The following SACM1L variants were observed in gnomAD, a reference collection of about 807,000 sequenced individuals.
SACM1L encodes SAC1 like phosphatidylinositide phosphatase, also known as phosphatidylinositol-3-phosphatase SAC1.
In SACM1L, 32 loss-of-function variants were observed where a neutral mutation model predicts 89.5. The ratio of observed to expected loss-of-function variants is 0.36; its 90% CI spans 0.27 to 0.48. The LOEUF (loss-of-function observed/expected upper bound fraction) is 0.48, where lower values mean the gene tolerates loss of function less well. SACM1L is among the 20% of genes least tolerant of loss of function. The probability of loss-of-function intolerance (pLI) is 0.99; values close to 1 mark genes in which losing one functional copy is unlikely to be tolerated. For synonymous variants in SACM1L, 213 were observed against 232.8 expected, an observed-to-expected ratio of 0.92 and a Z score of 0.77; for missense variants, 543 against 708.5, an observed-to-expected ratio of 0.77 and a Z score of 2.65.
At position 45,722,076 on chromosome 3, in the gene SACM1L, G is replaced by T; in HGVS notation, c.756G>T (p.Ser252=). Residue 252 remains serine, a synonymous_variant, in exon 9 of 20, where the codon TCG becomes TCT. Transcript: ENST00000389061. ...QIVHYNGSKA[S]FVQTRGSIPV... is the part of the protein sequence containing the mutation. ...TGCACTACAATGGGAGCAAAGCTTC[G>T]TTTGTACAGGCAAGTTGTTATGTCT... 1 of 1,607,784 alleles carries T rather than the reference G, an allele frequency of 6.2e-7. No individual in the cohort carries two copies. The highest frequency in any genetic ancestry group is 8.5e-7 in the Non-Finnish European group (1 of 1,175,596).
chr3:45,700,960 C>G (rs898473971), intron 1 of SACM1L, among the ~76,000 whole-genome samples: 2 of 152,236 alleles, frequency 1.3e-5, no homozygotes, highest in Non-Finnish European at 2.9e-5. Flanking sequence ...GCGTGAGCCA[C>G]CGCGCCCAGC....
In SACM1L at chr3:45,723,460, CTT is replaced by C; in HGVS notation, c.853-11_853-10del. On this transcript the variant is annotated splice_polypyrimidine_tract_variant and intron_variant, in intron 10 of 19. Transcript: ENST00000389061. ...TAATGTACTCCAGTAAAATATGTAA[CTT>C]TTTCCTCTCTAGATGGACGGTTTCC... 7.5e-7 allele frequency: 1 copy of C among 1,333,338 alleles called. No individual in the cohort carries two copies. 82.6% of individuals were successfully genotyped at this position (1,333,338 alleles called of 1,614,324 possible).
Position 45,722,097 on chromosome 3 carries a change from T to G in SACM1L, c.765+12T>G. On this transcript the variant is annotated intron_variant, in intron 9 of 19. Transcript: ENST00000389061. The stretch of plus-strand genomic sequence containing the variant: ...CTTCGTTTGTACAGGCAAGTTGTTA[T>G]GTCTGTTAGGCAGTCAGCGAGTTGG... The G allele has an allele frequency of 6.4e-7, 1 of 1,565,262 alleles. No individual in the cohort carries two copies. Among genetic ancestry groups the G allele is most frequent in the Non-Finnish European group, 8.8e-7 (1 of 1,139,660 alleles).
chr3:45,733,010 G>T (rs1699111540), intron 13 of SACM1L, among the ~76,000 whole-genome samples: 1 of 152,130 alleles, frequency 6.6e-6, no homozygotes, highest in South Asian at 2.1e-4. Flanking sequence ...TTTCTGTGAC[G>T]TTTTGCCATG....
intron 5 of SACM1L, among the ~76,000 whole-genome samples, chr3:45,710,390 G>A (rs920908268): frequency 4.0e-5 from 6 of 151,108 alleles, no homozygotes; most frequent in South Asian, 2.1e-4. Flanking sequence ...ATGGGGTTTC[G>A]CCATGTTGCC....
At chr3:45,697,294 T>TA (rs1698155917) in intron 1 of SACM1L, among the ~76,000 whole-genome samples, 2 of 144,816 alleles carry the variant, frequency 1.4e-5, no homozygotes, top group Non-Finnish European at 3.0e-5. Flanking sequence ...TTTTTTTTTT[T>TA]AAGACAGGCT....
In SACM1L at chr3:45,737,638, A is replaced by C. The variant is rs995601193; in HGVS notation, c.1295A>C (p.Lys432Thr). 5.7e-6 allele frequency: 9 copies of C among 1,592,288 alleles called. No homozygotes were observed. The highest frequency in any genetic ancestry group is 1.7e-4 in the Middle Eastern group (1 of 6,004). The change falls in exon 15 of 20, where the codon AAG becomes ACG. Residue 432 changes from lysine to threonine, a missense_variant. By Grantham distance (78) the Lys-to-Thr change is moderately conservative. Around this residue, in one of 2 missense-constraint regions of SACM1L, gnomAD observed 370 missense variants for 527.6 expected, o/e 0.70. Coordinates refer to ENST00000389061, the MANE Select transcript of SACM1L (RefSeq NM_014016.5). Reference protein sequence around the residue: ...QKLEEQDEFEKIYKNAWADNA... With the variant: ...QKLEEQDEFETIYKNAWADNA... ...CTTGAAGAACAAGATGAATTTGAGAAGATTTACAAAAATGGTAGGTCATTT... is the reference window on the plus strand; with the variant it reads ...CTTGAAGAACAAGATGAATTTGAGACGATTTACAAAAATGGTAGGTCATTT...
At chr3:45,695,752 C>T (rs768221343) in intron 1 of SACM1L, among the ~76,000 whole-genome samples, 8 of 152,218 alleles carry the variant, frequency 5.3e-5, no homozygotes, top group Admixed American at 6.5e-5. Context: ...GTTGTACAAC[C>T]GTTATCACCA....
Position 45,723,561 on chromosome 3 carries a change from C to T in SACM1L, c.921+18C>T. ...TCAATCTGGTATGTTTCTTATGTTT[C>T]TTGGGGGGAAAAAAAAGCCTTAACT... is the stretch of plus-strand genomic sequence containing the variant. On this transcript the variant is annotated intron_variant, in intron 11 of 19. Transcript: ENST00000389061. 1 of 1,312,374 alleles carries T rather than the reference C, an allele frequency of 7.6e-7. No homozygotes were observed. The highest frequency in any genetic ancestry group is 1.6e-5 in the South Asian group (1 of 62,332). 81.3% of individuals were successfully genotyped at this position (1,312,374 alleles called of 1,614,324 possible).
chr3:45,743,600 T>C lies in SACM1L; in HGVS notation c.1695T>C (p.Phe565=). ...GAGTTGCAAGCATTGGAACATTTTT[T>C]ATCATTCTTTACAATGGCAAAGATT... is the stretch of plus-strand genomic sequence containing the variant. ...FWGVASIGTF[F]IILYNGKDFV... is the part of the protein sequence containing the mutation. The change falls in exon 20 of 20, where the codon TTT becomes TTC. Residue 565 remains phenylalanine, a synonymous_variant. Coordinates refer to ENST00000389061, the MANE Select transcript of SACM1L (RefSeq NM_014016.5). 1 of 1,614,194 alleles carries C rather than the reference T, an allele frequency of 6.2e-7. No homozygotes were observed.
rs549889917 is a variant in SACM1L, at chr3:45,708,030, G to A, written c.333+1123G>A. Among the ~76,000 whole-genome samples the A allele has an allele frequency of 4.6e-5, 7 of 151,380 alleles. No individual in the cohort carries two copies. The South Asian group carries it at 1.0e-3, about 22-fold the overall frequency. On this transcript the variant is annotated intron_variant, in intron 4 of 19. Coordinates refer to ENST00000389061, the MANE Select transcript of SACM1L (RefSeq NM_014016.5). ...ATAACTTACAAGTTACATCTACAAC[G>A]TAACTATATAAGTTAATATCTATAA...
chr3:45,729,094 A>T (rs1305750323), intron 11 of SACM1L, among the ~76,000 whole-genome samples: 1 of 151,464 alleles, frequency 6.6e-6, no homozygotes, highest in Non-Finnish European at 1.5e-5. Context: ...TTATTTATTT[A>T]TTTATTTTTT....
intron 11 of SACM1L, among the ~76,000 whole-genome samples, chr3:45,728,743 G>C (rs917390222): frequency 1.3e-5 from 2 of 152,186 alleles, no homozygotes; most frequent in African/African-American, 4.8e-5. Context: ...CATGATCATA[G>C]CTCTGTGTAA....
chr3:45,712,400 C>T (rs1423503865), intron 5 of SACM1L, among the ~76,000 whole-genome samples: 1 of 152,142 alleles, frequency 6.6e-6, no homozygotes, highest in Non-Finnish European at 1.5e-5. Context: ...CACGTGCTAC[C>T]ACGTCTGACT....
chr3:45,709,003 C>G (rs1326973496), intron 4 of SACM1L, among the ~76,000 whole-genome samples: 1 of 152,152 alleles, frequency 6.6e-6, no homozygotes, highest in African/African-American at 2.4e-5. Context: ...TCTCGTCCAT[C>G]CCAAACCAGG....
At chr3:45,739,177 G>A (rs535786159) in intron 18 of SACM1L, among the ~76,000 whole-genome samples, 24 of 152,082 alleles carry the variant, frequency 1.6e-4, no homozygotes, top group Non-Finnish European at 2.9e-4. Context: ...AGAGACAAAC[G>A]TGTTACATGG....
rs1244061997 is a variant in SACM1L at position 45,713,122 on chromosome 3, T to G, written c.484-15T>G. On this transcript the variant is annotated splice_polypyrimidine_tract_variant and intron_variant, in intron 5 of 19. Coordinates refer to ENST00000389061, the MANE Select transcript of SACM1L (RefSeq NM_014016.5). ...TGGCAGGAGATATTTTATTAAATTT[T>G]AAAACTTCTCTCAGGCAGATCAGCG... 1 of 1,604,436 alleles carries G rather than the reference T, an allele frequency of 6.2e-7. No individual in the cohort carries two copies. Among genetic ancestry groups the G allele is most frequent in the Non-Finnish European group, 8.5e-7 (1 of 1,174,954 alleles).
At chr3:45,697,263 CTTTTCCTTT>C (rs1698152252) in intron 1 of SACM1L, among the ~76,000 whole-genome samples, 1 of 100,348 alleles carries the variant, frequency 1.0e-5, no homozygotes, top group African/African-American at 4.1e-5. Context: ...TTTTTCTTTT[CTTTTCCTTT>C]TTTTTTTTTT....
chr3:45,723,425 A>G lies in SACM1L; in HGVS notation c.853-50A>G, dbSNP rs781432061. ...TATTATAAATATTTAAATTATATTT[A>G]TAAATTACATAATGTACTCCAGTAA... On this transcript the variant is annotated intron_variant, in intron 10 of 19. Coordinates refer to ENST00000389061, the MANE Select transcript of SACM1L (RefSeq NM_014016.5). The G allele has an allele frequency of 8.2e-6, 6 of 734,856 alleles. No individual in the cohort carries two copies. In the South Asian group the frequency reaches 1.9e-4, roughly 23 times the overall value. The allele number at this position is 734,856 out of a possible 1,614,324, so 45.5% of individuals were successfully genotyped here. A position where few individuals can be genotyped will look rare whatever the true frequency, so the allele number is the denominator to read the frequency against.
Sources: allele counts gnomAD v4.1 joint callset (sites outside exome capture counted in the v4.1 genomes callset), GRCh38; gene constraint gnomAD v4.1.1; regional missense constraint gnomAD v4.1.1; transcripts MANE v1.5; gene names NCBI Gene and HGNC (gene_info 2026-07-23, HGNC 2026-07-21).